Variants in BICRAL observed in about 807,000 individuals in gnomAD.
The protein encoded by BICRAL is BICRA like chromatin remodeling complex associated protein.
A neutral mutation model predicts 91.8 loss-of-function variants in BICRAL; 8 were observed. The observed-to-expected ratio is 0.09, with a 90% CI of 0.05 to 0.16. BICRAL has a LOEUF of 0.16. BICRAL is among the 10% of genes least tolerant of loss of function. The pLI is 1.00. For synonymous variants in BICRAL, 445 were observed against 491.1 expected, an observed-to-expected ratio of 0.91 and a Z score of 1.24; for missense variants, 1,038 against 1,310.9, an observed-to-expected ratio of 0.79 and a Z score of 3.21.
chr6:42,789,793 G>T (rs891489244), intron 1 of BICRAL, among the ~76,000 whole-genome samples: 5 of 152,156 alleles, frequency 3.3e-5, no homozygotes, highest in Non-Finnish European at 7.4e-5. Context: ...GCTTGAGGGT[G>T]CATAAGTCAC....
intron 5 of BICRAL, among the ~76,000 whole-genome samples, chr6:42,826,960 A>G (rs1764325025): frequency 6.6e-6 from 1 of 151,846 alleles, no homozygotes; most frequent in South Asian, 2.1e-4. Context: ...CTAATTTTGT[A>G]TTTTTAGTAG....
chr6:42,822,808 A>G lies in BICRAL; in HGVS notation c.54A>G (p.Ala18=), dbSNP rs766775775. 1.3e-6 allele frequency: 2 copies of G among 1,555,148 alleles called. No individual in the cohort carries two copies. Among genetic ancestry groups the G allele is most frequent in the South Asian group, 2.2e-5 (2 of 89,678 alleles). Residue 18 remains alanine (A), a synonymous_variant, in exon 4 of 13, where the codon GCA becomes GCG. Transcript: ENST00000314073. ...CTCTCTTTTCTAGAGACCCACAAGC[A>G]TTGAACTATTTTCTACATGGACCTA... is the stretch of plus-strand genomic sequence containing the variant. ...CLLDLIGDPQ[A]LNYFLHGPSN... is the part of the protein sequence containing the mutation.
intron 1 of BICRAL, among the ~76,000 whole-genome samples, chr6:42,807,429 C>T (rs940914625): frequency 3.3e-5 from 5 of 151,894 alleles, no homozygotes; most frequent in African/African-American, 1.2e-4. Flanking sequence ...GTGATCCGTC[C>T]GTCTCAGCCT....
chr6:42,819,368 C>A (rs1455169439), intron 2 of BICRAL, among the ~76,000 whole-genome samples: 1 of 152,178 alleles, frequency 6.6e-6, no homozygotes, highest in Non-Finnish European at 1.5e-5. Context: ...TCACTGCAAC[C>A]TCTGCCTCCC....
chr6:42,782,244 G>C (rs1357950288), intron 1 of BICRAL, 143 bp downstream of exon 1: 9 of 147,160 alleles, frequency 6.1e-5, no homozygotes, highest in Non-Finnish European at 1.2e-4. Context: ...TCTCCAGACT[G>C]AAAAGAAAGG....
At chr6:42,791,940 A>G (rs769364924) in intron 1 of BICRAL, among the ~76,000 whole-genome samples, 25 of 152,218 alleles carry the variant, frequency 1.6e-4, no homozygotes, top group Non-Finnish European at 3.2e-4. Context: ...TTCCTCCTGT[A>G]TTGTAAACCT....
chr6:42,748,104 C>CTTTT (rs35511368), intron 1 of BICRAL, among the ~76,000 whole-genome samples: 15 of 124,566 alleles, frequency 1.2e-4, no homozygotes, highest in Admixed American at 4.2e-4. Context: ...GTGCCTGGCC[C>CTTTT]TTTTTTTTTT....
chr6:42,781,920 A>G (rs1762920181), upstream of BICRAL: 1 of 278 alleles, frequency 3.6e-3, no homozygotes, highest in Non-Finnish European at 0.01. Context: ...GGGCGCGGGG[A>G]GCGGCGCCCC....
At chr6:42,825,667 G>C (rs927975076) in intron 5 of BICRAL, among the ~76,000 whole-genome samples, 1 of 152,082 alleles carries the variant, frequency 6.6e-6, no homozygotes, top group Non-Finnish European at 1.5e-5. Flanking sequence ...AGGCTGCAGT[G>C]AGCCAAGATT....
chr6:42,846,061 CAAAAAAAAAA>C lies in BICRAL; in HGVS notation c.1840-6021_1840-6012del, dbSNP rs386406871. Among the ~76,000 whole-genome samples the C allele has an allele frequency of 3.7e-5, 3 of 80,722 alleles. No individual in the cohort carries two copies. In the East Asian group the frequency reaches 1.1e-3, roughly 29 times the overall value. 53.0% of individuals were successfully genotyped at this position (80,722 alleles called of 152,430 possible). A position where few individuals can be genotyped will look rare whatever the true frequency, so the allele number is the denominator to read the frequency against. ...TGGGCAATAGAGTGAGACTCCATCT[CAAAAAAAAAA>C]AAAAAAAAAGTTATAGATTCCTAGG... is the stretch of plus-strand genomic sequence containing the variant. On this transcript the variant is annotated intron_variant, in intron 6 of 12. Transcript: ENST00000314073.
intron 6 of BICRAL, among the ~76,000 whole-genome samples, chr6:42,845,349 C>T: frequency 6.6e-6 from 1 of 150,678 alleles, no homozygotes; most frequent in Non-Finnish European, 1.5e-5. Context: ...CTGTCTCAGC[C>T]TCCGGAGGGA....
chr6:42,807,152 C>T (rs1377197119), intron 1 of BICRAL, among the ~76,000 whole-genome samples: 1 of 151,582 alleles, frequency 6.6e-6, no homozygotes, highest in East Asian at 1.9e-4. Context: ...TAATAACCAA[C>T]TCCAGTTCAT....
At position 42,845,195 on chromosome 6, in the gene BICRAL, GTTT is replaced by G. The variant is rs748804344; in HGVS notation, c.1840-6846_1840-6844del. 2.3e-4 allele frequency among the ~76,000 whole-genome samples: 6 copies of G among 25,612 alleles called. 1 individual carries two copies. Among genetic ancestry groups the G allele is most frequent in the South Asian group, 3.6e-3 (2 of 556 alleles). The allele number at this position is 25,612 out of a possible 152,430, so 16.8% of individuals were successfully genotyped here. A position where few individuals can be genotyped will look rare whatever the true frequency, so the allele number is the denominator to read the frequency against. ...CTTCTCTGTTTTTTGTTTTTTGGGT[GTTT>G]TTTTTTTTTTTTTTTTTTTTTTTTT... is the stretch of plus-strand genomic sequence containing the variant. On this transcript the variant is annotated intron_variant, in intron 6 of 12. Coordinates refer to ENST00000314073, the MANE Select transcript of BICRAL (RefSeq NM_001393499.1).
chr6:42,790,899 G>GA (rs1360097198), intron 1 of BICRAL, among the ~76,000 whole-genome samples: 13 of 152,156 alleles, frequency 8.5e-5, no homozygotes, highest in Admixed American at 3.9e-4. Context: ...GGGGAAGAGT[G>GA]AAATGAGTAT....
intron 1 of BICRAL, among the ~76,000 whole-genome samples, chr6:42,802,109 T>G (rs1329747318): frequency 6.6e-6 from 1 of 152,024 alleles, no homozygotes; most frequent in Non-Finnish European, 1.5e-5. Flanking sequence ...CAATCCCTTC[T>G]GTATGAATTT....
chr6:42,837,518 G>C (rs562329131), intron 6 of BICRAL, among the ~76,000 whole-genome samples: 1 of 151,658 alleles, frequency 6.6e-6, no homozygotes, highest in Non-Finnish European at 1.5e-5. Flanking sequence ...TTGGGAGGCC[G>C]AGGCAGGTGG....
At chr6:42,753,675 G>T (rs551389099) in intron 1 of BICRAL, among the ~76,000 whole-genome samples, 1 of 151,784 alleles carries the variant, frequency 6.6e-6, no homozygotes, top group Non-Finnish European at 1.5e-5. Context: ...GCGGTGGCAC[G>T]ACCTTGGCTC....
chr6:42,766,752 T>G (rs1002053652), intron 1 of BICRAL, among the ~76,000 whole-genome samples: 3 of 151,478 alleles, frequency 2.0e-5, no homozygotes, highest in Admixed American at 6.6e-5. Flanking sequence ...AACAGAAGAA[T>G]TGATTGTGCC....
intron 1 of BICRAL, among the ~76,000 whole-genome samples, chr6:42,798,394 T>G (rs1049611532): frequency 2.0e-5 from 3 of 151,482 alleles, no homozygotes; most frequent in African/African-American, 7.3e-5. Context: ...AAAAATTTTT[T>G]TAATTAGAAA....
Sources: allele counts gnomAD v4.1 joint callset (sites outside exome capture counted in the v4.1 genomes callset), GRCh38; gene constraint gnomAD v4.1.1; transcripts MANE v1.5; gene names NCBI Gene and HGNC (gene_info 2026-07-23, HGNC 2026-07-21).